Variants in USH2A observed in about 807,000 individuals in gnomAD.
USH2A encodes Usher syndrome 2A (autosomal recessive, mild).
Under a neutral mutation model 538.9 loss-of-function variants are expected in USH2A, and 443 were observed. That is an observed-to-expected ratio of 0.82 (90% confidence interval 0.76 to 0.89). The LOEUF (loss-of-function observed/expected upper bound fraction) is 0.89. USH2A is among the 40% of genes least tolerant of loss of function. The pLI is 0.00. For synonymous variants in USH2A, 2,413 were observed against 2,273.5 expected (o/e 1.06, Z -1.75); for missense variants, 6,633 against 6,324.8 (o/e 1.05, Z -1.65).
At chr1:216,034,495 A>C (rs1162328877) in intron 32 of USH2A, among the ~76,000 whole-genome samples, 2 of 152,196 alleles carry the variant, frequency 1.3e-5, no homozygotes, top group African/African-American at 4.8e-5. Flanking sequence ...CTCATTTGAA[A>C]ATAAGGTATT....
At chr1:215,694,116 A>G (rs1658713389) in intron 61 of USH2A, among the ~76,000 whole-genome samples, 1 of 152,202 alleles carries the variant, frequency 6.6e-6, no homozygotes, top group Non-Finnish European at 1.5e-5. Context: ...CTGTACTCCA[A>G]CTGTCTGATT....
In USH2A at chr1:216,342,479, A is replaced by G. The variant is rs138119269; in HGVS notation, c.785-14825T>C. Among the ~76,000 whole-genome samples, 841 of 152,256 alleles carry G rather than the reference A, an allele frequency of 5.5e-3. 9 individuals are homozygous for G. Among genetic ancestry groups the G allele is most frequent in the Admixed American group, 0.022 (329 of 15,288 alleles). On this transcript the variant is annotated intron_variant, in intron 4 of 71. Transcript: ENST00000307340. ...AAATACTATTTGACCCAGCAATCCC[A>G]TTAATGGGCATATACCCAAAGGAAT... is the stretch of plus-strand genomic sequence containing the variant.
chr1:216,131,362 T>A (rs2102602604), intron 21 of USH2A, among the ~76,000 whole-genome samples: 1 of 152,198 alleles, frequency 6.6e-6, no homozygotes, highest in Non-Finnish European at 1.5e-5. Context: ...GCTTCTGAGC[T>A]CTTGGTCATG....
At chr1:215,911,430 C>G (rs1200894068) in intron 38 of USH2A, among the ~76,000 whole-genome samples, 1 of 151,564 alleles carries the variant, frequency 6.6e-6, no homozygotes, top group Non-Finnish European at 1.5e-5. Flanking sequence ...ATTTTTAGAT[C>G]CCACAGATAA....
chr1:216,273,055 C>T (rs1199258628), intron 11 of USH2A, among the ~76,000 whole-genome samples: 1 of 151,964 alleles, frequency 6.6e-6, no homozygotes, highest in Non-Finnish European at 1.5e-5. Context: ...AACTAGGTGA[C>T]CAGCTGTGCC....
Position 216,072,987 on chromosome 1 carries a change from T to A in USH2A, c.5777-18A>T. 1 of 1,613,656 alleles carries A rather than the reference T, an allele frequency of 6.2e-7. No individual in the cohort carries two copies. The highest frequency in any genetic ancestry group is 8.5e-7 in the Non-Finnish European group (1 of 1,179,692). ...CAGGTATTCTTAAATGGAAATAAGA[T>A]GCAGCAAGATTAAAATAATACTCAT... On this transcript the variant is annotated intron_variant, in intron 28 of 71. Transcript: ENST00000307340.
intron 4 of USH2A, among the ~76,000 whole-genome samples, chr1:216,358,222 C>T (rs935441724): frequency 1.3e-5 from 2 of 152,086 alleles, no homozygotes; most frequent in African/African-American, 2.4e-5. Context: ...TTGTTACTTT[C>T]TGGGTGCAGA....
At chr1:215,712,612 G>A (rs988513917) in intron 61 of USH2A, among the ~76,000 whole-genome samples, 2 of 149,410 alleles carry the variant, frequency 1.3e-5, no homozygotes, top group African/African-American at 5.1e-5. Context: ...CTCTTGGCTG[G>A]CCTCTTGGCT....
intron 47 of USH2A, among the ~76,000 whole-genome samples, chr1:215,824,979 C>A (rs550205975): frequency 6.6e-6 from 1 of 152,192 alleles, no homozygotes; most frequent in African/African-American, 2.4e-5. Flanking sequence ...CTGTGATAAT[C>A]TCAGTTCTGT....
chr1:216,112,502 T>A (rs571651674), intron 21 of USH2A, among the ~76,000 whole-genome samples: 1 of 152,274 alleles, frequency 6.6e-6, no homozygotes, highest in East Asian at 1.9e-4. Context: ...ATGTGAAGGT[T>A]TGTTACATAC....
At chr1:215,898,838 T>C (rs1665413793) in intron 40 of USH2A, among the ~76,000 whole-genome samples, 1 of 152,194 alleles carries the variant, frequency 6.6e-6, no homozygotes. Flanking sequence ...GTAATGTTCC[T>C]CCTAAAAGGT....
chr1:216,099,175 C>T (rs1052163212), intron 21 of USH2A, among the ~76,000 whole-genome samples: 6 of 152,108 alleles, frequency 3.9e-5, no homozygotes, highest in African/African-American at 1.4e-4. Context: ...ACGTTTTATG[C>T]TCTTGGTCAT....
chr1:216,204,486 G>A (rs1291364965), intron 16 of USH2A: 1 of 152,110 alleles, frequency 6.6e-6, no homozygotes, highest in Non-Finnish European at 1.5e-5. Flanking sequence ...ATGATCCTAA[G>A]AAGGAAAATA....
chr1:216,288,129 AATG>A (rs371506448), intron 11 of USH2A, among the ~76,000 whole-genome samples: 277 of 152,284 alleles, frequency 1.8e-3, no homozygotes, highest in African/African-American at 6.1e-3. Context: ...TCAATATTTG[AATG>A]ATAAGCAAAA....
At chr1:216,370,688 A>T (rs911062000) in intron 3 of USH2A, among the ~76,000 whole-genome samples, 1 of 150,162 alleles carries the variant, frequency 6.7e-6, no homozygotes, top group Non-Finnish European at 1.5e-5. Context: ...AAAAAAAAAA[A>T]AAAAAAAAAA....
At chr1:216,248,123 A>G (rs1405286850) in intron 12 of USH2A, among the ~76,000 whole-genome samples, 1 of 152,062 alleles carries the variant, frequency 6.6e-6, no homozygotes, top group Non-Finnish European at 1.5e-5. Flanking sequence ...AAGCAATCAC[A>G]TTGCTTGTCA....
At chr1:216,117,706 A>G (rs964524547) in intron 21 of USH2A, among the ~76,000 whole-genome samples, 1 of 151,890 alleles carries the variant, frequency 6.6e-6, no homozygotes, top group East Asian at 1.9e-4. Context: ...AATCACTTGC[A>G]ATATATGAAC....
chr1:216,241,943 G>A (rs2035946314), intron 13 of USH2A, among the ~76,000 whole-genome samples: 2 of 152,118 alleles, frequency 1.3e-5, no homozygotes, highest in African/African-American at 4.8e-5. Flanking sequence ...GATGTAGAAT[G>A]GGCATCAACA....
At chr1:215,845,797 C>T (rs772146220) in intron 45 of USH2A, 27 bp downstream of exon 45, 3 of 1,607,974 alleles carry the variant, frequency 1.9e-6, no homozygotes, top group South Asian at 2.2e-5. Flanking sequence ...ATCTCTGAGG[C>T]AAATATCCTT....
Sources: gnomAD v4.1 joint callset for allele counts (sites outside exome capture counted in the v4.1 genomes callset) on GRCh38, gnomAD v4.1.1 for gene constraint, MANE v1.5 for transcripts, NCBI Gene and HGNC (gene_info 2026-07-23, HGNC 2026-07-21) for gene names.